The following CSMD1 variants were observed in gnomAD, a reference collection of about 807,000 sequenced individuals.
CSMD1 encodes CUB and Sushi multiple domains 1.
A neutral mutation model predicts 417.5 loss-of-function variants in CSMD1; 213 were observed. The observed-to-expected ratio is 0.51, with a 90% confidence interval of 0.46 to 0.57. The LOEUF (loss-of-function observed/expected upper bound fraction) is 0.57. Among genes scored for constraint, CSMD1 ranks in the 20% least tolerant of loss-of-function variants. The pLI is 0.00. For synonymous variants in CSMD1, 2,862 were observed against 1,736.8 expected (o/e 1.65, Z -16.11); for missense variants, 6,923 against 4,529.7 (o/e 1.53, Z -15.17).
intron 5 of CSMD1, among the ~76,000 whole-genome samples, chr8:3,773,198 G>A (rs568587309): frequency 3.3e-5 from 5 of 152,310 alleles, no homozygotes; most frequent in East Asian, 1.9e-4. Context: ...ACATTTAGAC[G>A]ATGGCATGTA....
chr8:3,088,837 T>G (rs1376485671), intron 48 of CSMD1, among the ~76,000 whole-genome samples: 6 of 103,462 alleles, frequency 5.8e-5, no homozygotes, highest in South Asian at 3.3e-4. Context: ...GGAATCACTG[T>G]GCTAGTAAAA....
intron 1 of CSMD1, among the ~76,000 whole-genome samples, chr8:4,852,588 C>A (rs1015713912): frequency 1.3e-5 from 2 of 151,916 alleles, no homozygotes; most frequent in Admixed American, 1.3e-4. Flanking sequence ...AAAATGGTAC[C>A]AGGAGTGGGA....
chr8:3,958,240 C>T lies in CSMD1; in HGVS notation c.818+39663G>A, dbSNP rs139494699. Among the ~76,000 whole-genome samples, 13 of 151,892 alleles carry T rather than the reference C, an allele frequency of 8.6e-5. No individual in the cohort carries two copies. In the East Asian group the frequency reaches 2.3e-3, roughly 27 times the overall value. Reference sequence around the variant, plus strand: ...CATAACCAAACATGAAGATAGACTACGTCTTCCATCGTTTTGTAATATTAC... The same window carrying T: ...CATAACCAAACATGAAGATAGACTATGTCTTCCATCGTTTTGTAATATTAC... On this transcript the variant is annotated intron_variant, in intron 5 of 69. Transcript: ENST00000635120.
chr8:3,914,045 A>T (rs1808638666), intron 5 of CSMD1, among the ~76,000 whole-genome samples: 1 of 152,308 alleles, frequency 6.6e-6, no homozygotes, highest in Admixed American at 6.5e-5. Flanking sequence ...TTAAAGAAAA[A>T]GTAATATTAA....
intron 40 of CSMD1, among the ~76,000 whole-genome samples, chr8:3,144,340 G>C (rs113258783): frequency 6.6e-6 from 1 of 151,988 alleles, no homozygotes; most frequent in African/African-American, 2.4e-5. Context: ...ACTCTTCTTG[G>C]AGAAAATCAG....
chr8:4,314,150 G>A (rs35616190), intron 3 of CSMD1, among the ~76,000 whole-genome samples: 40,281 of 151,790 alleles, frequency 0.27, 6,098 homozygotes, highest in African/African-American at 0.42. Flanking sequence ...CAACACATCC[G>A]AAGTCTAAAG....
chr8:3,996,025 C>G (rs978095729), intron 5 of CSMD1, among the ~76,000 whole-genome samples: 2 of 152,208 alleles, frequency 1.3e-5, no homozygotes, highest in African/African-American at 4.8e-5. Context: ...CAAGGATGAT[C>G]AATTGTTGCC....
At chr8:4,650,728 T>G (rs751526203) in intron 1 of CSMD1, among the ~76,000 whole-genome samples, 1 of 152,218 alleles carries the variant, frequency 6.6e-6, no homozygotes, top group Non-Finnish European at 1.5e-5. Context: ...AATTAGAGAT[T>G]TGAGAGCAGA....
intron 1 of CSMD1, among the ~76,000 whole-genome samples, chr8:4,968,345 C>T (rs1810014170): frequency 6.6e-6 from 1 of 151,950 alleles, no homozygotes; most frequent in South Asian, 2.1e-4. Context: ...TCACCATCAC[C>T]ACTATCCACG....
At chr8:4,863,309 T>A (rs544343836) in intron 1 of CSMD1, among the ~76,000 whole-genome samples, 1 of 152,170 alleles carries the variant, frequency 6.6e-6, no homozygotes, top group Non-Finnish European at 1.5e-5. Context: ...AAGCTCTCAA[T>A]AAATGGCAGT....
At chr8:4,169,945 T>G (rs1304070965) in intron 3 of CSMD1, among the ~76,000 whole-genome samples, 1 of 152,012 alleles carries the variant, frequency 6.6e-6, no homozygotes, top group African/African-American at 2.4e-5. Flanking sequence ...AGATTTTGGC[T>G]TGCGTGTGTG....
At chr8:4,600,006 A>G (rs1383871691) in intron 2 of CSMD1, among the ~76,000 whole-genome samples, 2 of 152,166 alleles carry the variant, frequency 1.3e-5, no homozygotes, top group African/African-American at 4.8e-5. Context: ...CTAGAAATGA[A>G]AGTCTAGGGT....
At chr8:4,664,627 G>C (rs1162101923) in intron 1 of CSMD1, among the ~76,000 whole-genome samples, 1 of 152,098 alleles carries the variant, frequency 6.6e-6, no homozygotes, top group Non-Finnish European at 1.5e-5. Flanking sequence ...ATGTTTTCAA[G>C]AGTTCTCAGA....
At chr8:4,849,850 A>C (rs1258957329) in intron 1 of CSMD1, among the ~76,000 whole-genome samples, 1 of 152,224 alleles carries the variant, frequency 6.6e-6, no homozygotes, top group Non-Finnish European at 1.5e-5. Context: ...ATTGTTATGT[A>C]ACATGTAACT....
chr8:3,059,027 A>AT (rs888287454), intron 49 of CSMD1, among the ~76,000 whole-genome samples: 15 of 151,056 alleles, frequency 9.9e-5, no homozygotes, highest in East Asian at 5.9e-4. Flanking sequence ...TGTGTTGGTG[A>AT]TTTTTTTTTC....
At chr8:3,862,522 A>G (rs936302529) in intron 5 of CSMD1, among the ~76,000 whole-genome samples, 19 of 152,206 alleles carry the variant, frequency 1.2e-4, no homozygotes, top group African/African-American at 3.9e-4. Flanking sequence ...ACTGTTTGCT[A>G]CCATAAAATT....
intron 6 of CSMD1, among the ~76,000 whole-genome samples, chr8:3,722,287 G>A (rs981858256): frequency 2.6e-5 from 4 of 152,110 alleles, no homozygotes; most frequent in African/African-American, 4.8e-5. Flanking sequence ...CAGCCTGGGC[G>A]ACAGAGTGAG....
chr8:4,425,945 A>G (rs561503301), intron 2 of CSMD1, among the ~76,000 whole-genome samples: 2 of 152,286 alleles, frequency 1.3e-5, no homozygotes, highest in South Asian at 2.1e-4. Flanking sequence ...CAAGCATGCT[A>G]AAGTATCTTC....
chr8:4,129,297 T>C (rs889542496), intron 3 of CSMD1, among the ~76,000 whole-genome samples: 3 of 152,048 alleles, frequency 2.0e-5, no homozygotes, highest in Non-Finnish European at 4.4e-5. Flanking sequence ...GCACAGTCAT[T>C]ATCTTCTCCC....
Sources: gnomAD v4.1 joint callset for allele counts (sites outside exome capture counted in the v4.1 genomes callset) on GRCh38, gnomAD v4.1.1 for gene constraint, MANE v1.5 for transcripts, NCBI Gene and HGNC (gene_info 2026-07-23, HGNC 2026-07-21) for gene names.